The following RNF17 variants were observed in gnomAD, a reference collection of about 807,000 sequenced individuals.
RNF17 encodes the protein ring finger protein 17.
A neutral mutation model predicts 200.5 loss-of-function variants in RNF17; 31 were observed. That is an observed-to-expected ratio of 0.15 (90% confidence interval 0.12 to 0.21). The LOEUF (loss-of-function observed/expected upper bound fraction) is 0.21, where lower values mean the gene tolerates loss of function less well. Among genes scored for constraint, RNF17 ranks in the 10% least tolerant of loss-of-function variants. RNF17 has a pLI of 1.00. For missense variants in RNF17, 1,628 were observed against 1,905.1 expected, an observed-to-expected ratio of 0.85 and a Z score of 2.71; for synonymous variants, 606 against 637.8, an observed-to-expected ratio of 0.95 and a Z score of 0.75.
chr13:24,813,349 T>C lies in RNF17; in HGVS notation c.2091+8920T>C, dbSNP rs77562650. Among the ~76,000 whole-genome samples the C allele has an allele frequency of 5.3e-3, 808 of 152,030 alleles. 22 individuals are homozygous for C. In the East Asian group the frequency reaches 0.081, roughly 15 times the overall value. On this transcript the variant is annotated intron_variant, in intron 15 of 35. Coordinates refer to ENST00000255324, the MANE Select transcript of RNF17 (RefSeq NM_031277.3). ...TAATTATTATTTTGTAGACACAGGG[T>C]CTTGCTAGGTAATCCAGGCTGGCCT... is the stretch of plus-strand genomic sequence containing the variant.
intron 30 of RNF17, 70 bp from the exon 31 acceptor site, chr13:24,868,530 T>A (rs75208462): frequency 1.6e-4 from 93 of 576,230 alleles, no homozygotes; most frequent in African/African-American, 1.4e-3. Flanking sequence ...ATTGGCACCA[T>A]CATGAATTTT....
At chr13:24,753,855 G>C in the RNF17 span, among the ~76,000 whole-genome samples, 1 of 152,114 alleles carries the variant, frequency 6.6e-6, no homozygotes, top group Non-Finnish European at 1.5e-5. Context: ...GTTAAAGATT[G>C]TGATAGAAAT....
Position 24,875,256 on chromosome 13 carries a change from G to A in RNF17, c.4583+1007G>A, listed in dbSNP as rs1470504761. On this transcript the variant is annotated intron_variant, in intron 33 of 35. Coordinates refer to ENST00000255324, the MANE Select transcript of RNF17 (RefSeq NM_031277.3). ...CAACAAACATTAAATTTATGGTGAA[G>A]CTTGGGTGGAGGAATGGTGATATCA... 2.6e-5 allele frequency among the ~76,000 whole-genome samples: 4 copies of A among 152,082 alleles called. No individual in the cohort carries two copies. The East Asian group carries it at 7.7e-4, about 29-fold the overall frequency.
chr13:24,762,954 T>C (rs1401196861), upstream of RNF17, among the ~76,000 whole-genome samples: 7 of 152,208 alleles, frequency 4.6e-5, no homozygotes, highest in Admixed American at 3.9e-4. Context: ...TCTGGCTAAA[T>C]GGTCTTTAAA....
the RNF17 span, among the ~76,000 whole-genome samples, chr13:24,752,990 C>A: frequency 1.3e-5 from 2 of 152,132 alleles, no homozygotes; most frequent in African/African-American, 4.8e-5. Flanking sequence ...GGCCACTGCC[C>A]AGATATATTC....
At chr13:24,771,047 T>C (rs1012336009) in intron 2 of RNF17, among the ~76,000 whole-genome samples, 3 of 152,240 alleles carry the variant, frequency 2.0e-5, no homozygotes, top group African/African-American at 7.2e-5. Flanking sequence ...ACTTTTCATA[T>C]GTTTGACTTA....
chr13:24,837,060 C>T (rs11617390), intron 18 of RNF17, among the ~76,000 whole-genome samples: 22,062 of 151,944 alleles, frequency 0.15, 1,624 homozygotes, highest in African/African-American at 0.16. Context: ...ACACCAAAAA[C>T]GAGCAAGGGT....
intron 2 of RNF17, among the ~76,000 whole-genome samples, chr13:24,768,033 C>A (rs149509365): frequency 5.9e-5 from 9 of 152,102 alleles, no homozygotes; most frequent in Non-Finnish European, 1.2e-4. Flanking sequence ...GAACTCCCCC[C>A]CTGCCCCTCA....
chr13:24,786,135 CT>C (rs1480470697), intron 6 of RNF17, among the ~76,000 whole-genome samples: 1 of 151,828 alleles, frequency 6.6e-6, no homozygotes, highest in Non-Finnish European at 1.5e-5. Context: ...TGATTTTTTT[CT>C]TTTGTAGTCA....
intron 18 of RNF17, among the ~76,000 whole-genome samples, chr13:24,835,820 G>A (rs1889932887): frequency 6.6e-6 from 1 of 152,126 alleles, no homozygotes; most frequent in Admixed American, 6.5e-5. Flanking sequence ...AAACCAAGAA[G>A]TAGTCCTGGA....
intron 1 of RNF17, among the ~76,000 whole-genome samples, chr13:24,765,632 T>G (rs1399105339): frequency 1.3e-5 from 2 of 152,226 alleles, no homozygotes; most frequent in African/African-American, 4.8e-5. Context: ...GGAATAAAGT[T>G]CTAGAACACA....
At chr13:24,787,910 C>T in intron 6 of RNF17, 78 bp from the exon 7 acceptor site, 1 of 1,169,640 alleles carries the variant, frequency 8.5e-7, no homozygotes, top group Non-Finnish European at 1.2e-6. Flanking sequence ...TGAACTTACT[C>T]TTCAAGATAC....
At chr13:24,772,856 C>T (rs955370365) in intron 2 of RNF17, among the ~76,000 whole-genome samples, 8 of 152,018 alleles carry the variant, frequency 5.3e-5, no homozygotes, top group South Asian at 2.1e-4. Flanking sequence ...ATGATCCGCC[C>T]GCCTCAGCCT....
intron 15 of RNF17, among the ~76,000 whole-genome samples, chr13:24,814,585 T>C (rs1887160538): frequency 6.6e-6 from 1 of 152,208 alleles, no homozygotes; most frequent in Admixed American, 6.5e-5. Flanking sequence ...TATTTTGAAT[T>C]GGATATTCAG....
chr13:24,779,149 A>G (rs2137542358), intron 4 of RNF17, among the ~76,000 whole-genome samples: 1 of 152,284 alleles, frequency 6.6e-6, no homozygotes, highest in South Asian at 2.1e-4. Context: ...GTGAGCAGAG[A>G]TAGCATCACT....
chr13:24,866,123 C>G (rs1338718221), intron 29 of RNF17, 21 bp from the exon 30 acceptor site: 1 of 1,330,448 alleles, frequency 7.5e-7, no homozygotes, highest in African/African-American at 1.4e-5. Flanking sequence ...GGTGATTTTA[C>G]TCAATACCAT....
At chr13:24,814,435 T>C (rs1168731467) in intron 15 of RNF17, among the ~76,000 whole-genome samples, 1 of 152,232 alleles carries the variant, frequency 6.6e-6, no homozygotes, top group Admixed American at 6.5e-5. Flanking sequence ...GCTTTTGGTG[T>C]CATATCCAAG....
At chr13:24,850,580 A>G (rs1891771958) in intron 23 of RNF17, 137 bp downstream of exon 23, 3 of 577,402 alleles carry the variant, frequency 5.2e-6, no homozygotes, top group East Asian at 2.9e-5. Context: ...ATTTCAAAGT[A>G]TAAGAGGCAT....
At chr13:24,817,196 C>T (rs538254732) in intron 15 of RNF17, among the ~76,000 whole-genome samples, 7 of 152,114 alleles carry the variant, frequency 4.6e-5, no homozygotes, top group African/African-American at 1.7e-4. Flanking sequence ...GGTGTTAATT[C>T]TTCTTTAAAT....
Sources: gnomAD v4.1 joint callset for allele counts (sites outside exome capture counted in the v4.1 genomes callset) on GRCh38, gnomAD v4.1.1 for gene constraint, MANE v1.5 for transcripts, NCBI Gene and HGNC (gene_info 2026-07-23, HGNC 2026-07-21) for gene names.